TNS1: variants seen among roughly 807,000 people sequenced by gnomAD.
The protein encoded by TNS1 is tensin-1.
TNS1 carries 62 observed loss-of-function variants against 168.6 expected under a neutral mutation model. That is an observed-to-expected ratio of 0.37 (90% CI 0.30 to 0.45). The LOEUF (loss-of-function observed/expected upper bound fraction) is 0.45. TNS1 is among the 20% of genes least tolerant of loss of function. TNS1 has a pLI of 1.00. For missense variants in TNS1, 2,240 were observed against 2,339.4 expected (o/e 0.96, Z 0.88); for synonymous variants, 934 against 933.2 (o/e 1.00, Z -0.02).
At chr2:217,856,848 A>C (rs918218227) in intron 18 of TNS1, among the ~76,000 whole-genome samples, 2 of 152,166 alleles carry the variant, frequency 1.3e-5, no homozygotes, top group East Asian at 3.9e-4. Flanking sequence ...GAAAGTGAAC[A>C]GGAGAGAACA....
intron 1 of TNS1, among the ~76,000 whole-genome samples, chr2:217,994,189 C>A (rs2105958963): frequency 6.6e-6 from 1 of 152,220 alleles, no homozygotes; most frequent in South Asian, 2.1e-4. Flanking sequence ...TGACCCCCAT[C>A]CCACAAGAAG....
intron 11 of TNS1, among the ~76,000 whole-genome samples, chr2:217,892,094 A>G (rs191201815): frequency 1.4e-4 from 21 of 152,166 alleles, no homozygotes; most frequent in African/African-American, 4.8e-4. Flanking sequence ...TTGTCTGTTC[A>G]ATATTTATTG....
At chr2:217,816,960 G>A (rs893093792) in intron 24 of TNS1, among the ~76,000 whole-genome samples, 1 of 152,204 alleles carries the variant, frequency 6.6e-6, no homozygotes, top group African/African-American at 2.4e-5. Context: ...TTTAGACAAT[G>A]AGCTTTCTAA....
upstream of TNS1, among the ~76,000 whole-genome samples, chr2:218,010,804 G>T (rs1048981466): frequency 6.6e-6 from 1 of 152,160 alleles, no homozygotes; most frequent in African/African-American, 2.4e-5. Context: ...TTGCTCCCCA[G>T]GGCATAATGT....
chr2:217,888,452 A>T (rs1361137751), intron 12 of TNS1, among the ~76,000 whole-genome samples: 1 of 152,176 alleles, frequency 6.6e-6, no homozygotes, highest in Non-Finnish European at 1.5e-5. Flanking sequence ...GGAGCCAGGC[A>T]GACACGCCCC....
At chr2:217,987,695 C>A (rs1958235680) in intron 2 of TNS1, among the ~76,000 whole-genome samples, 1 of 152,198 alleles carries the variant, frequency 6.6e-6, no homozygotes, top group African/African-American at 2.4e-5. Context: ...CCCACCCCAC[C>A]TATCACCCAG....
chr2:217,809,163 A>G, intron 30 of TNS1, among the ~76,000 whole-genome samples: 1 of 151,262 alleles, frequency 6.6e-6, no homozygotes. Context: ...AGGGATGAAT[A>G]AATGCAGGGA....
In TNS1 at chr2:217,948,667, C is replaced by T. The variant is rs1050865869; in HGVS notation, c.187-28431G>A. On this transcript the variant is annotated intron_variant, in intron 3 of 32. Transcript: ENST00000682258. This position sits in a 1 kb window ranked among gnomAD's most constrained non-coding sequence, Gnocchi z 4.1. ...CAGAGATGACCCCAGAAGCCACATT[C>T]ACGCTGCTGCCCTGAAGCCCCCCAT... Among the ~76,000 whole-genome samples the T allele has an allele frequency of 6.6e-6, 1 of 152,192 alleles. No homozygotes were observed. The highest frequency in any genetic ancestry group is 1.5e-5 in the Non-Finnish European group (1 of 68,028).
intron 7 of TNS1, 45 bp downstream of exon 7, chr2:217,900,418 C>G (rs1486381921): frequency 6.5e-7 from 1 of 1,530,264 alleles, no homozygotes; most frequent in South Asian, 1.2e-5. Context: ...CACAGTGACC[C>G]CCCTGCTTGC....
At chr2:217,990,116 C>T (rs1231373813) in intron 2 of TNS1, among the ~76,000 whole-genome samples, 7 of 143,524 alleles carry the variant, frequency 4.9e-5, no homozygotes, top group African/African-American at 7.8e-5. Context: ...ATCATCCACA[C>T]GCCATCCACA....
intron 18 of TNS1, 117 bp from the exon 19 acceptor site, chr2:217,849,204 ACCT>A: frequency 8.4e-7 from 1 of 1,185,844 alleles, no homozygotes; most frequent in Non-Finnish European, 1.2e-6. Flanking sequence ...GCATCCTAAA[ACCT>A]CCTCTCACCA....
At chr2:217,917,913 AG>A (rs1955254516) in intron 4 of TNS1, among the ~76,000 whole-genome samples, 1 of 151,308 alleles carries the variant, frequency 6.6e-6, no homozygotes, top group South Asian at 2.1e-4. Flanking sequence ...CAGGGGGAAT[AG>A]TAAGTGCAAA....
intron 19 of TNS1, among the ~76,000 whole-genome samples, chr2:217,840,719 C>T (rs951306940): frequency 1.1e-4 from 17 of 152,360 alleles, no homozygotes; most frequent in South Asian, 2.1e-4. Context: ...TGGCTCCTGC[C>T]GAGACCTAGC....
Position 217,885,159 on chromosome 2 carries a change from C to G in TNS1, c.1122G>C (p.Lys374Asn). The G allele has an allele frequency of 6.2e-7, 1 of 1,614,196 alleles. No individual in the cohort carries two copies. Among genetic ancestry groups the G allele is most frequent in the Admixed American group, 1.7e-5 (1 of 60,026 alleles). ...GLLLKGDILL[K>N]CYHKKFRSPA... ...GGCTTCGGAACTTCTTGTGGTAGCA[C>G]TTCAGCTGGGTGGGAAGACGGGCAG... is the stretch of plus-strand genomic sequence containing the variant. Residue 374 changes from lysine to asparagine, a missense_variant, in exon 16 of 33, where the codon AAG becomes AAC. Physicochemically the swap from Lys to Asn is moderately conservative, Grantham distance 94. This residue lies in a region of TNS1 where 2,131 missense variants were observed against 2,171.2 expected (regional missense o/e 0.98). Coordinates refer to ENST00000682258, the MANE Select transcript of TNS1 (RefSeq NM_001387777.1).
At chr2:217,957,121 G>A (rs1298816280) in intron 3 of TNS1, among the ~76,000 whole-genome samples, 2 of 152,184 alleles carry the variant, frequency 1.3e-5, no homozygotes, top group Admixed American at 6.5e-5. Flanking sequence ...GTTCCCACGA[G>A]GCCACCCCCA....
At chr2:218,028,827 G>A (rs547541191) in intron 1 of TNS1, among the ~76,000 whole-genome samples, 1 of 152,170 alleles carries the variant, frequency 6.6e-6, no homozygotes, top group East Asian at 1.9e-4. Flanking sequence ...AGGGGACCTG[G>A]CCCCTAAGCA....
chr2:217,946,965 TCTCTCACACA>T (rs1251408300), intron 3 of TNS1, among the ~76,000 whole-genome samples: 2 of 130,576 alleles, frequency 1.5e-5, no homozygotes, highest in Admixed American at 7.2e-5. Context: ...TCTCTCTCTC[TCTCTCACACA>T]CACACACACA....
At chr2:217,850,228 G>C (rs1947274173) in intron 18 of TNS1, 2 of 985,284 alleles carry the variant, frequency 2.0e-6, no homozygotes, top group African/African-American at 3.5e-5. Flanking sequence ...AACAGGCCAA[G>C]GTGGGGCTCA....
chr2:218,029,104 T>C (rs998394880), intron 1 of TNS1, among the ~76,000 whole-genome samples: 3 of 152,200 alleles, frequency 2.0e-5, no homozygotes, highest in Non-Finnish European at 4.4e-5. Flanking sequence ...TGCTAGGGAC[T>C]CAGGCCTGCC....
Sources: allele counts gnomAD v4.1 joint callset (sites outside exome capture counted in the v4.1 genomes callset), GRCh38; gene constraint gnomAD v4.1.1; regional missense constraint gnomAD v4.1.1; non-coding constraint Gnocchi (gnomAD v3.1); transcripts MANE v1.5; gene names NCBI Gene and HGNC (gene_info 2026-07-23, HGNC 2026-07-21).